PCDHGA6: variants seen among roughly 807,000 people sequenced by gnomAD.
The protein encoded by PCDHGA6 is protocadherin gamma-A6.
PCDHGA6 carries 41 observed loss-of-function variants against 60.6 expected under a neutral mutation model. The ratio of observed to expected loss-of-function variants is 0.68; its 90% confidence interval spans 0.53 to 0.88. PCDHGA6 has a LOEUF of 0.88. Among genes scored for constraint, PCDHGA6 ranks in the 40% least tolerant of loss-of-function variants. PCDHGA6 has a pLI of 0.00. For missense variants in PCDHGA6, 1,312 were observed against 1,203.0 expected (o/e 1.09, Z -1.34); for synonymous variants, 594 against 524.4 (o/e 1.13, Z -1.81).
rs191953163 is a variant in PCDHGA6 at position 141,426,385 on chromosome 5, C to T, written c.2424+49878C>T. Reference sequence around the variant, plus strand: ...CTGCGGGGCACCCTCGGAGCAGATCCGCTACTCTATTCCAGAAGAAACGGT... The same window carrying T: ...CTGCGGGGCACCCTCGGAGCAGATCTGCTACTCTATTCCAGAAGAAACGGT... On this transcript the variant is annotated intron_variant, in intron 1 of 3. Transcript: ENST00000517434. 1.4e-3 allele frequency: 332 copies of T among 244,362 alleles called. 1 individual carries two copies. The highest frequency in any genetic ancestry group is 1.5e-3 in the Non-Finnish European group (188 of 121,940). 15.1% of individuals were successfully genotyped at this position (244,362 alleles called of 1,614,324 possible). A position where few individuals can be genotyped will look rare whatever the true frequency, so the allele number is the denominator to read the frequency against.
chr5:141,409,171 C>G, intron 1 of PCDHGA6: 1 of 1,613,962 alleles, frequency 6.2e-7, no homozygotes, highest in South Asian at 1.1e-5. Flanking sequence ...AAGCGAAGGA[C>G]GGAGGTGGTC....
intron 1 of PCDHGA6, chr5:141,378,481 C>A (rs975283855): frequency 6.6e-6 from 1 of 152,178 alleles, no homozygotes; most frequent in East Asian, 1.9e-4. Flanking sequence ...CAAGATCGTG[C>A]CACTGCACTC....
At chr5:141,384,768 G>A (rs1046016115) in intron 1 of PCDHGA6, 20 of 1,613,804 alleles carry the variant, frequency 1.2e-5, no homozygotes, top group Non-Finnish European at 1.6e-5. Context: ...GGCTGTACAC[G>A]GGCGAGGTGC....
At chr5:141,435,306 T>C (rs2154556603) in intron 1 of PCDHGA6, among the ~76,000 whole-genome samples, 1 of 152,358 alleles carries the variant, frequency 6.6e-6, no homozygotes, top group East Asian at 1.9e-4. Flanking sequence ...TGGTTTTAAA[T>C]CATTCATGAA....
chr5:141,382,810 C>T, intron 1 of PCDHGA6: 3 of 1,162,786 alleles, frequency 2.6e-6, no homozygotes, highest in Non-Finnish European at 3.7e-6. Context: ...TCTGAGCTCC[C>T]CTTCCTAAGA....
intron 1 of PCDHGA6, among the ~76,000 whole-genome samples, chr5:141,470,888 T>C (rs2099243463): frequency 6.6e-6 from 1 of 151,912 alleles, no homozygotes; most frequent in Non-Finnish European, 1.5e-5. Context: ...GTTTTTGTTT[T>C]TGTTTTTTGT....
At chr5:141,415,114 G>C (rs186848544) in intron 1 of PCDHGA6, 1 of 1,613,648 alleles carries the variant, frequency 6.2e-7, no homozygotes, top group Non-Finnish European at 8.5e-7. Flanking sequence ...GCAAAGCCTC[G>C]TAGTGGCCGT....
chr5:141,468,920 A>G (rs2099185605), intron 1 of PCDHGA6, among the ~76,000 whole-genome samples: 1 of 151,612 alleles, frequency 6.6e-6, no homozygotes, highest in South Asian at 2.1e-4. Context: ...AGAAGAGAAT[A>G]GCACTAAAAT....
chr5:141,415,325 C>A (rs1046074461), intron 1 of PCDHGA6: 2 of 1,614,094 alleles, frequency 1.2e-6, no homozygotes, highest in Non-Finnish European at 1.7e-6. Context: ...GTGCTGCTGG[C>A]GCACAGGCTG....
chr5:141,506,994 G>A (rs1053891468), intron 3 of PCDHGA6: 1 of 152,126 alleles, frequency 6.6e-6, no homozygotes, highest in Non-Finnish European at 1.5e-5. Context: ...TCTCACACTC[G>A]ACAGATGAGA....
At chr5:141,482,809 T>C (rs1295469639) in intron 1 of PCDHGA6, among the ~76,000 whole-genome samples, 1 of 152,170 alleles carries the variant, frequency 6.6e-6, no homozygotes, top group Non-Finnish European at 1.5e-5. Flanking sequence ...CGGTGGCTCA[T>C]GCCTGTAATC....
intron 1 of PCDHGA6, chr5:141,385,445 T>A (rs2150293072): frequency 1.4e-6 from 2 of 1,450,040 alleles, no homozygotes; most frequent in Non-Finnish European, 1.8e-6. Context: ...TAAAAATGAG[T>A]TTACCAGTTT....
chr5:141,482,245 G>A (rs72790067), intron 1 of PCDHGA6, among the ~76,000 whole-genome samples: 74 of 152,252 alleles, frequency 4.9e-4, no homozygotes, highest in Non-Finnish European at 7.9e-4. Flanking sequence ...TATAAGTATA[G>A]TACTGTACAT....
At position 141,376,378 on chromosome 5, in the gene PCDHGA6, G is replaced by A; in HGVS notation, c.2295G>A (p.Lys765=). ...HEVSLTADSR[K]SHLIFPQPNY... The stretch of plus-strand genomic sequence containing the variant: ...TCTCACTCACTGCAGACTCGCGTAA[G>A]AGTCATCTGATTTTCCCCCAGCCCA... Residue 765 remains lysine, a synonymous_variant, in exon 1 of 4, where the codon AAG becomes AAA. Coordinates refer to ENST00000517434, the MANE Select transcript of PCDHGA6 (RefSeq NM_018919.3). 5 of 1,614,236 alleles carry A rather than the reference G, an allele frequency of 3.1e-6. No homozygotes were observed. Among genetic ancestry groups the A allele is most frequent in the Non-Finnish European group, 4.2e-6 (5 of 1,180,050 alleles).
Position 141,457,874 on chromosome 5 carries a change from G to A in PCDHGA6, c.2425-36933G>A, listed in dbSNP as rs1592531610. Among the ~76,000 whole-genome samples, 7 of 152,320 alleles carry A rather than the reference G, an allele frequency of 4.6e-5. No homozygotes were observed. In the South Asian group the frequency reaches 1.5e-3, roughly 32 times the overall value. On this transcript the variant is annotated intron_variant, in intron 1 of 3. Transcript: ENST00000517434. ...ACATTCTTCACTGACCACAGGTTAGGAACCCTGTGTGGGGACTGTGTAGAC... is the reference window on the plus strand; with the variant it reads ...ACATTCTTCACTGACCACAGGTTAGAAACCCTGTGTGGGGACTGTGTAGAC...
At chr5:141,421,119 C>A (rs542039688) in intron 1 of PCDHGA6, 2 of 772,768 alleles carry the variant, frequency 2.6e-6, no homozygotes, top group South Asian at 1.9e-5. Flanking sequence ...TATTTTCCTT[C>A]GCTTTCTGAT....
intron 1 of PCDHGA6, chr5:141,398,974 A>G (rs1486049931): frequency 1.4e-5 from 23 of 1,613,860 alleles, no homozygotes; most frequent in Non-Finnish European, 1.9e-5. Context: ...TTCCTTCTAC[A>G]GAACCGGGCA....
chr5:141,380,206 G>C (rs750518608), intron 1 of PCDHGA6, among the ~76,000 whole-genome samples: 1 of 152,114 alleles, frequency 6.6e-6, no homozygotes, highest in South Asian at 2.1e-4. Flanking sequence ...GGCCTGAAAG[G>C]CATTCATTTC....
At chr5:141,483,258 T>G (rs2099579023) in intron 1 of PCDHGA6, among the ~76,000 whole-genome samples, 1 of 137,930 alleles carries the variant, frequency 7.3e-6, no homozygotes, top group South Asian at 2.1e-4. Flanking sequence ...TCATGAGGTT[T>G]TTTTGTTTTA....
Sources: allele counts gnomAD v4.1 joint callset (sites outside exome capture counted in the v4.1 genomes callset), GRCh38; gene constraint gnomAD v4.1.1; transcripts MANE v1.5; gene names NCBI Gene and HGNC (gene_info 2026-07-23, HGNC 2026-07-21).